Variants in F11R observed in about 807,000 individuals in gnomAD.
F11R encodes the protein junctional adhesion molecule A.
In F11R, 27 loss-of-function variants were observed where a neutral mutation model predicts 39.3. The ratio of observed to expected loss-of-function variants is 0.69; its 90% CI spans 0.51 to 0.95. The LOEUF (loss-of-function observed/expected upper bound fraction) is 0.95, where lower values mean the gene tolerates loss of function less well. Ranked by LOEUF, F11R falls within the 40% of genes least tolerant of loss-of-function variation. The pLI, the probability that F11R is intolerant of heterozygous loss-of-function variation, is 0.00. For missense variants in F11R, 335 were observed against 372.7 expected, an observed-to-expected ratio of 0.90 and a Z score of 0.83; for synonymous variants, 131 against 144.9, an observed-to-expected ratio of 0.90 and a Z score of 0.69.
chr1:161,000,853 G>T, intron 3 of F11R, 76 bp from the exon 4 acceptor site: 1 of 1,574,872 alleles, frequency 6.3e-7, no homozygotes, highest in Non-Finnish European at 8.7e-7. Context: ...GGGCATCCAA[G>T]GTACGCAAGT....
chr1:161,000,989 A>T, intron 3 of F11R, 31 bp downstream of exon 3: 1 of 1,572,490 alleles, frequency 6.4e-7, no homozygotes, highest in Non-Finnish European at 8.8e-7. Context: ...TCCACAACCT[A>T]GGCAATCAGG....
chr1:161,010,386 T>C (rs1253171329), intron 1 of F11R, among the ~76,000 whole-genome samples: 5 of 134,110 alleles, frequency 3.7e-5, no homozygotes, highest in Admixed American at 1.7e-4. Context: ...GGAGGTTGCA[T>C]TGAGCTGAGA....
rs34346987 is a variant in F11R at position 160,997,969 on chromosome 1, C to CT, written c.*901dup. 83,819 of 149,038 alleles carry CT rather than the reference C, an allele frequency of 0.56. 24,153 individuals are homozygous for CT. The highest frequency in any genetic ancestry group is 0.71 in the African/African-American group (28,820 of 40,616). 9.2% of individuals were successfully genotyped at this position (149,038 alleles called of 1,614,324 possible). On this transcript the variant is annotated 3_prime_UTR_variant, in exon 10 of 10. Transcript: ENST00000368026. ...CACCAGCTCCAGCTTTCTTTTCTTTCTTTTTTTTTTTGAGCTGGAGTTTTG... is the reference window on the plus strand; with the variant it reads ...CACCAGCTCCAGCTTTCTTTTCTTTCTTTTTTTTTTTTGAGCTGGAGTTTTG...
chr1:161,004,824 T>C (rs1381625760), intron 1 of F11R, among the ~76,000 whole-genome samples: 1 of 152,090 alleles, frequency 6.6e-6, no homozygotes, highest in Non-Finnish European at 1.5e-5. Context: ...ATTTATATAT[T>C]TGCCATTACA....
At chr1:161,004,199 G>A (rs1648667712) in intron 1 of F11R, among the ~76,000 whole-genome samples, 1 of 152,174 alleles carries the variant, frequency 6.6e-6, no homozygotes, top group South Asian at 2.1e-4. Context: ...TCCTGCCTTG[G>A]CCTCCCAAAG....
chr1:161,011,302 G>A (rs1649146690), intron 1 of F11R, among the ~76,000 whole-genome samples: 1 of 151,814 alleles, frequency 6.6e-6, no homozygotes, highest in African/African-American at 2.4e-5. Context: ...CAAAGTGCTG[G>A]GATTACAGGC....
At position 161,020,964 on chromosome 1, in the gene F11R, C is replaced by A. The variant is rs754608466; in HGVS notation, c.64+46G>T. 1.9e-6 allele frequency: 3 copies of A among 1,588,450 alleles called. No homozygotes were observed. The South Asian group carries it at 3.3e-5, about 18-fold the overall frequency. On this transcript the variant is annotated intron_variant, in intron 1 of 9. Coordinates refer to ENST00000368026, the MANE Select transcript of F11R (RefSeq NM_016946.6). ...GGGCGTGGGGAGAGCCTTCCTCCAACCTCTGACCCGACCAACCGATTCCTC... is the reference window on the plus strand; with the variant it reads ...GGGCGTGGGGAGAGCCTTCCTCCAAACTCTGACCCGACCAACCGATTCCTC...
intron 1 of F11R, 128 bp from the exon 2 acceptor site, chr1:161,001,481 T>A (rs1478580543): frequency 1.4e-6 from 1 of 720,790 alleles, no homozygotes; most frequent in Non-Finnish European, 2.3e-6. Flanking sequence ...TCCAGACTTA[T>A]GCTCCCTCTG....
chr1:161,006,757 G>A (rs899200363), intron 1 of F11R, among the ~76,000 whole-genome samples: 1 of 152,084 alleles, frequency 6.6e-6, no homozygotes, highest in Admixed American at 6.6e-5. Context: ...ATGAGTCAAG[G>A]CCAGCCTTAT....
chr1:161,017,955 G>T (rs1649553682), intron 1 of F11R, among the ~76,000 whole-genome samples: 1 of 152,220 alleles, frequency 6.6e-6, no homozygotes, highest in Admixed American at 6.5e-5. Flanking sequence ...ACTCTTCAGT[G>T]ATGATACCAC....
At position 160,999,904 on chromosome 1, in the gene F11R, C is replaced by A. The variant is rs553706719; in HGVS notation, c.666G>T (p.Met222Ile). Residue 222 changes from methionine to isoleucine, a missense_variant, in exon 6 of 10, where the codon ATG becomes ATT. Met to Ile is a conservative substitution (Grantham distance 10, BLOSUM62 1). Transcript: ENST00000368026. ...CEARNGYGTP[M>I]TSNAVRMEAV... ...CTTCCATGCGCACAGCATTTGAAGT[C>A]ATGGGTGTCCCATACCCATTCCGTG... 2.5e-6 allele frequency: 4 copies of A among 1,614,084 alleles called. No homozygotes were observed. Among genetic ancestry groups the A allele is most frequent in the Non-Finnish European group, 3.4e-6 (4 of 1,180,028 alleles).
intron 1 of F11R, among the ~76,000 whole-genome samples, chr1:161,006,070 G>A (rs1371964489): frequency 2.0e-5 from 3 of 151,364 alleles, no homozygotes; most frequent in East Asian, 2.0e-4. Flanking sequence ...CCCGGGAGGC[G>A]AAGGTTGCCG....
At chr1:161,006,106 C>A (rs1166232898) in intron 1 of F11R, among the ~76,000 whole-genome samples, 1 of 151,728 alleles carries the variant, frequency 6.6e-6, no homozygotes, top group East Asian at 1.9e-4. Flanking sequence ...CCACTGCACT[C>A]CAGCCTGGGT....
At chr1:161,009,447 C>A (rs1377382985) in intron 1 of F11R, among the ~76,000 whole-genome samples, 3 of 145,550 alleles carry the variant, frequency 2.1e-5, no homozygotes, top group Non-Finnish European at 4.6e-5. Flanking sequence ...CAGTGAGACC[C>A]CCATCTGTAC....
intron 1 of F11R, among the ~76,000 whole-genome samples, chr1:161,015,405 A>ATATATAT (rs1329400158): frequency 2.2e-5 from 3 of 133,606 alleles, no homozygotes; most frequent in African/African-American, 5.7e-5. Flanking sequence ...CTCAAAAAAA[A>ATATATAT]AAATATATAT....
At chr1:161,010,548 A>T (rs961352721) in intron 1 of F11R, among the ~76,000 whole-genome samples, 1 of 151,960 alleles carries the variant, frequency 6.6e-6, no homozygotes, top group East Asian at 1.9e-4. Context: ...TGCTATATGT[A>T]GCTTTATTGG....
chr1:161,020,905 A>G, intron 1 of F11R, 105 bp downstream of exon 1: 1 of 959,480 alleles, frequency 1.0e-6, no homozygotes, highest in Admixed American at 1.8e-5. Context: ...ACGATATAGG[A>G]AGGTTTCTGA....
At chr1:161,014,550 A>C (rs1254129520) in intron 1 of F11R, among the ~76,000 whole-genome samples, 2 of 152,206 alleles carry the variant, frequency 1.3e-5, no homozygotes, top group Non-Finnish European at 2.9e-5. Flanking sequence ...TAAAAAAATA[A>C]AAAATTAGCC....
intron 1 of F11R, among the ~76,000 whole-genome samples, 194 bp from the exon 2 acceptor site, chr1:161,001,547 C>T (rs576683789): frequency 6.6e-6 from 1 of 152,236 alleles, no homozygotes; most frequent in East Asian, 1.9e-4. Context: ...CTTTTTGCTA[C>T]AATTGCCAGC....
Sources: allele counts gnomAD v4.1 joint callset (sites outside exome capture counted in the v4.1 genomes callset), GRCh38; gene constraint gnomAD v4.1.1; transcripts MANE v1.5; gene names NCBI Gene and HGNC (gene_info 2026-07-23, HGNC 2026-07-21).